The following HIVEP3 variants were observed in gnomAD, a reference collection of about 807,000 sequenced individuals.
The protein encoded by HIVEP3 is HIVEP zinc finger 3, also known as transcription factor HIVEP3.
In HIVEP3, 49 loss-of-function variants were observed where a neutral mutation model predicts 152.8. The ratio of observed to expected loss-of-function variants is 0.32; its 90% CI spans 0.26 to 0.41. HIVEP3 has a LOEUF of 0.41. HIVEP3 is among the 10% of genes least tolerant of loss of function. HIVEP3 has a pLI of 1.00. For missense variants in HIVEP3, 2,790 were observed against 3,103.3 expected, an observed-to-expected ratio of 0.90 and a Z score of 2.40; for synonymous variants, 1,269 against 1,289.0, an observed-to-expected ratio of 0.98 and a Z score of 0.33.
intron 1 of HIVEP3, among the ~76,000 whole-genome samples, chr1:41,864,068 T>A (rs887986741): frequency 1.3e-5 from 2 of 152,186 alleles, no homozygotes; most frequent in African/African-American, 4.8e-5. Context: ...CAGCCCCTCC[T>A]GGCTCTGCAT....
rs1200804361 is a variant in HIVEP3 at position 41,765,994 on chromosome 1, C to G, written c.-800-64999G>C. Among the ~76,000 whole-genome samples the G allele has an allele frequency of 2.0e-5, 3 of 152,234 alleles. No individual in the cohort carries two copies. In the South Asian group the frequency reaches 6.2e-4, roughly 32 times the overall value. Reference sequence around the variant, plus strand: ...TGACATACACCTCCTGCACTGATAACTATTTGCTGCTGCACTTGCCCCTAG... The same window carrying G: ...TGACATACACCTCCTGCACTGATAAGTATTTGCTGCTGCACTTGCCCCTAG... On this transcript the variant is annotated intron_variant, in intron 1 of 8. Coordinates refer to ENST00000372583, the MANE Select transcript of HIVEP3 (RefSeq NM_024503.5).
chr1:41,916,475 G>A (rs1413519573), intron 1 of HIVEP3, among the ~76,000 whole-genome samples: 2 of 152,204 alleles, frequency 1.3e-5, no homozygotes, highest in African/African-American at 4.8e-5. Flanking sequence ...TCTGTATCCT[G>A]TGGGTGCCTT....
In HIVEP3 at chr1:41,831,252, G is replaced by A. The variant is rs189242884; in HGVS notation, c.-801+87161C>T. ...TAGTGGGAAGAACTGGGCTGAGAGT[G>A]GGAAACCCTCATTTCCAGCTCTGTT... On this transcript the variant is annotated intron_variant, in intron 1 of 8. Transcript: ENST00000372583. Among the ~76,000 whole-genome samples the A allele has an allele frequency of 5.3e-5, 8 of 152,264 alleles. No homozygotes were observed. The East Asian group carries it at 1.2e-3, about 22-fold the overall frequency.
At position 41,911,103 on chromosome 1, in the gene HIVEP3, G is replaced by A. The variant is rs371199870; in HGVS notation, c.-801+7310C>T. 1.1e-4 allele frequency among the ~76,000 whole-genome samples: 17 copies of A among 152,106 alleles called. No homozygotes were observed. In the East Asian group the frequency reaches 2.9e-3, roughly 26 times the overall value. On this transcript the variant is annotated intron_variant, in intron 1 of 8. Transcript: ENST00000372583. ...ACACAAATAAGGAGAAGGTATTTTG[G>A]CAACACAGAGAAATAGTCTCCTGCA...
rs778954775 is a variant in HIVEP3, at chr1:41,582,722, A to T, written c.2076T>A (p.His692Gln). The T allele has an allele frequency of 1.2e-5, 19 of 1,614,052 alleles. No homozygotes were observed. The highest frequency in any genetic ancestry group is 1.5e-5 in the Non-Finnish European group (18 of 1,180,028). Reference protein sequence around the residue: ...SPEAEKSQIEHEPWSQMMHYK... With the variant: ...SPEAEKSQIEQEPWSQMMHYK... ...AATGCATCATTTGGGACCACGGCTC[A>T]TGCTCAATCTGACTCTTTTCAGCTT... The change falls in exon 4 of 9, where the codon CAT (histidine) becomes CAA (glutamine). Residue 692 changes from histidine to glutamine, a missense_variant. Physicochemically the swap from His to Gln is conservative, Grantham distance 24 (BLOSUM62 0). This residue lies in a region of HIVEP3 where 339 missense variants were observed against 327.0 expected (regional missense o/e 1.04). Coordinates refer to ENST00000372583, the MANE Select transcript of HIVEP3 (RefSeq NM_024503.5). This position sits in a 1 kb window ranked among gnomAD's most constrained non-coding sequence, Gnocchi z 4.7.
intron 5 of HIVEP3, among the ~76,000 whole-genome samples, chr1:41,532,307 G>GGGAGGACAGAAGAGAT (rs1453263074): frequency 6.7e-6 from 1 of 150,022 alleles, no homozygotes; most frequent in Non-Finnish European, 1.5e-5. Flanking sequence ...CAGGAGAGAA[G>GGGAGGACAGAAGAGAT]GGAGGACAGA....
chr1:41,793,725 T>C (rs1475382910), intron 1 of HIVEP3, among the ~76,000 whole-genome samples: 1 of 152,234 alleles, frequency 6.6e-6, no homozygotes, highest in Non-Finnish European at 1.5e-5. Context: ...GAATTTTTAC[T>C]ATGTCAGCCA....
chr1:41,901,312 A>G (rs1420875120), intron 1 of HIVEP3, among the ~76,000 whole-genome samples: 1 of 152,046 alleles, frequency 6.6e-6, no homozygotes, highest in Non-Finnish European at 1.5e-5. Context: ...GAGTCATCTA[A>G]GTGGAGATGC....
chr1:41,990,484 C>T (rs935319416), intron 1 of HIVEP3, among the ~76,000 whole-genome samples: 1 of 145,606 alleles, frequency 6.9e-6, no homozygotes, highest in African/African-American at 2.5e-5. Context: ...AATACAGGAG[C>T]ACCCAGATTC....
intron 3 of HIVEP3, among the ~76,000 whole-genome samples, chr1:41,597,483 T>C (rs1264178770): frequency 2.6e-5 from 4 of 152,234 alleles, no homozygotes; most frequent in Non-Finnish European, 4.4e-5. Flanking sequence ...CTTAGTATGT[T>C]ACGCAAATTC....
intron 1 of HIVEP3, among the ~76,000 whole-genome samples, chr1:41,727,983 G>C (rs969292135): frequency 2.6e-5 from 4 of 152,198 alleles, no homozygotes; most frequent in African/African-American, 9.7e-5. Context: ...CAGCGGCAGG[G>C]TGCACCTTCA....
chr1:41,827,162 TGA>T (rs1316805528), intron 1 of HIVEP3, among the ~76,000 whole-genome samples: 2 of 152,216 alleles, frequency 1.3e-5, no homozygotes, highest in African/African-American at 4.8e-5. Context: ...GTATTCTTCC[TGA>T]AACAGGTAAG....
rs1157620073 is a variant in HIVEP3 at position 41,739,313 on chromosome 1, G to T, written c.-800-38318C>A. ...GTTTCAGAGAAGTACTTGGAGCTGG[G>T]GGGCATTTAGGCAGGAGCCGAGTGA... On this transcript the variant is annotated intron_variant, in intron 1 of 8. Coordinates refer to ENST00000372583, the MANE Select transcript of HIVEP3 (RefSeq NM_024503.5). Among the ~76,000 whole-genome samples, 3 of 152,222 alleles carry T rather than the reference G, an allele frequency of 2.0e-5. No individual in the cohort carries two copies. In the East Asian group the frequency reaches 5.8e-4, roughly 29 times the overall value.
intron 3 of HIVEP3, among the ~76,000 whole-genome samples, chr1:41,593,658 G>A (rs568972458): frequency 6.6e-6 from 1 of 152,322 alleles, no homozygotes; most frequent in Non-Finnish European, 1.5e-5. Flanking sequence ...CTAACCTCCT[G>A]CCTATCTGGA....
At chr1:41,875,976 A>G (rs1317652645) in intron 1 of HIVEP3, among the ~76,000 whole-genome samples, 1 of 152,186 alleles carries the variant, frequency 6.6e-6, no homozygotes, top group Non-Finnish European at 1.5e-5. Flanking sequence ...TCCACCTGAC[A>G]TACAACAGCT....
chr1:41,629,567 C>T (rs573597945), intron 2 of HIVEP3, among the ~76,000 whole-genome samples: 1 of 152,110 alleles, frequency 6.6e-6, no homozygotes, highest in African/African-American at 2.4e-5. Flanking sequence ...GGAACTTAAA[C>T]AATTCAACAA....
chr1:42,032,512 T>C (rs775833779), intron 1 of HIVEP3, among the ~76,000 whole-genome samples: 6 of 152,236 alleles, frequency 3.9e-5, no homozygotes, highest in Non-Finnish European at 8.8e-5. Context: ...GTTTTTGGTC[T>C]GCACAGGTCT....
intron 1 of HIVEP3, among the ~76,000 whole-genome samples, chr1:41,852,650 T>G (rs1268530679): frequency 6.6e-6 from 1 of 152,236 alleles, no homozygotes; most frequent in Admixed American, 6.5e-5. Context: ...TCAGTCTTCA[T>G]GGGCTGCACT....
chr1:41,550,746 A>C (rs2149080953), intron 5 of HIVEP3, among the ~76,000 whole-genome samples: 1 of 152,332 alleles, frequency 6.6e-6, no homozygotes, highest in Admixed American at 6.5e-5. Flanking sequence ...ACTTTGCTGA[A>C]GTTGCTTATC....
Sources: gnomAD v4.1 joint callset for allele counts (sites outside exome capture counted in the v4.1 genomes callset) on GRCh38, gnomAD v4.1.1 for gene constraint, gnomAD v4.1.1 regional missense constraint, Gnocchi (gnomAD v3.1) non-coding constraint, MANE v1.5 for transcripts, NCBI Gene and HGNC (gene_info 2026-07-23, HGNC 2026-07-21) for gene names.